GRIK1: variants seen among roughly 807,000 people sequenced by gnomAD.
GRIK1 encodes the protein glutamate receptor ionotropic, kainate 1.
A neutral mutation model predicts 105.7 loss-of-function variants in GRIK1; 69 were observed. The observed-to-expected ratio is 0.65, with a 90% CI of 0.54 to 0.80. The LOEUF is 0.80. GRIK1 is among the 30% of genes least tolerant of loss of function. The pLI, the probability that GRIK1 is intolerant of heterozygous loss-of-function variation, is 0.00. For missense variants in GRIK1, 1,109 were observed against 1,167.3 expected, an observed-to-expected ratio of 0.95 and a Z score of 0.73; for synonymous variants, 438 against 431.3, an observed-to-expected ratio of 1.02 and a Z score of -0.19.
intron 2 of GRIK1, among the ~76,000 whole-genome samples, chr21:29,692,683 C>T (rs951395027): frequency 2.6e-5 from 4 of 152,196 alleles, no homozygotes; most frequent in Non-Finnish European, 4.4e-5. Context: ...ACACTATTCT[C>T]CTGCCTCAGC....
chr21:29,863,643 C>T (rs545429783), intron 1 of GRIK1, among the ~76,000 whole-genome samples: 2 of 152,088 alleles, frequency 1.3e-5, no homozygotes, highest in Non-Finnish European at 2.9e-5. Context: ...TTTTCTTGTA[C>T]TCCTGTCATT....
chr21:29,878,896 T>A lies in GRIK1; in HGVS notation c.118+60487A>T, dbSNP rs142802622. On this transcript the variant is annotated intron_variant, in intron 1 of 17. Transcript: ENST00000327783. Reference sequence around the variant, plus strand: ...TTTTATGGTCCTTTGTCATGGGCCCTCACCAGTCACCAAATTTGCCAGCGC... The same window carrying A: ...TTTTATGGTCCTTTGTCATGGGCCCACACCAGTCACCAAATTTGCCAGCGC... Among the ~76,000 whole-genome samples the A allele has an allele frequency of 2.6e-3, 400 of 152,238 alleles. 3 individuals carry two copies. The highest frequency in any genetic ancestry group is 9.4e-3 in the African/African-American group (391 of 41,554).
intron 1 of GRIK1, among the ~76,000 whole-genome samples, chr21:29,702,053 A>G (rs2063822049): frequency 6.6e-6 from 1 of 152,208 alleles, no homozygotes. Context: ...ACAGAAAACC[A>G]AAGACCACGT....
rs28663123 is a variant in GRIK1 at position 29,606,298 on chromosome 21, T to G, written c.1099-7361A>C. ...GCTTTTTATTTTATTTTATTTTATT[T>G]TAAGTTCTGGGGTGCATGCGCAGGA... On this transcript the variant is annotated intron_variant, in intron 7 of 17. Coordinates refer to ENST00000327783, the MANE Select transcript of GRIK1 (RefSeq NM_001330994.2). 5.2e-3 allele frequency among the ~76,000 whole-genome samples: 785 copies of G among 151,420 alleles called. 8 individuals carry two copies. The highest frequency in any genetic ancestry group is 0.018 in the African/African-American group (741 of 40,776).
In GRIK1 at chr21:29,588,830, G is replaced by A; in HGVS notation, c.1569+9C>T. ...TATTTTCAGATATGTTAGAAATATTGTTACTTACGTGATCTATGAGTTCTT... is the reference window on the plus strand; with the variant it reads ...TATTTTCAGATATGTTAGAAATATTATTACTTACGTGATCTATGAGTTCTT... On this transcript the variant is annotated intron_variant, in intron 11 of 17. Coordinates refer to ENST00000327783, the MANE Select transcript of GRIK1 (RefSeq NM_001330994.2). 7.1e-7 allele frequency: 1 copy of A among 1,407,092 alleles called. No individual in the cohort carries two copies. Among genetic ancestry groups the A allele is most frequent in the South Asian group, 1.2e-5 (1 of 85,526 alleles). 87.2% of individuals were successfully genotyped at this position (1,407,092 alleles called of 1,614,324 possible).
intron 1 of GRIK1, among the ~76,000 whole-genome samples, chr21:29,929,881 G>A (rs996232873): frequency 3.9e-5 from 6 of 152,288 alleles, no homozygotes; most frequent in African/African-American, 7.2e-5. Context: ...TCATTGCCAC[G>A]TTATCCACAG....
chr21:29,696,993 G>GT (rs1182969750), intron 1 of GRIK1, among the ~76,000 whole-genome samples: 2 of 152,058 alleles, frequency 1.3e-5, no homozygotes, highest in Non-Finnish European at 2.9e-5. Flanking sequence ...AGGCAGGAGG[G>GT]TTTTTTTCCA....
intron 1 of GRIK1, among the ~76,000 whole-genome samples, chr21:29,828,173 A>T (rs894448939): frequency 1.3e-5 from 2 of 151,942 alleles, no homozygotes; most frequent in Non-Finnish European, 2.9e-5. Flanking sequence ...GGCACAGTGC[A>T]TATTCTGCTT....
chr21:29,939,220 G>T (rs753430587), intron 1 of GRIK1, among the ~76,000 whole-genome samples, 163 bp downstream of exon 1: 17 of 152,192 alleles, frequency 1.1e-4, no homozygotes, highest in Non-Finnish European at 2.2e-4. Context: ...AAGCAGTGAC[G>T]CGGCTCCCCC....
At chr21:29,900,558 T>C (rs772584269) in intron 1 of GRIK1, among the ~76,000 whole-genome samples, 89 of 151,064 alleles carry the variant, frequency 5.9e-4, no homozygotes, top group Non-Finnish European at 1.1e-3. Context: ...CATTACATAA[T>C]GGTAAAGGGA....
intron 3 of GRIK1, among the ~76,000 whole-genome samples, chr21:29,680,870 C>T (rs565807848): frequency 6.6e-6 from 1 of 152,284 alleles, no homozygotes; most frequent in African/African-American, 2.4e-5. Flanking sequence ...CGTGGTGGCT[C>T]ATGCCTGTAA....
At chr21:29,850,561 G>C (rs1313835297) in intron 1 of GRIK1, among the ~76,000 whole-genome samples, 1 of 152,146 alleles carries the variant, frequency 6.6e-6, no homozygotes, top group Admixed American at 6.5e-5. Flanking sequence ...CCCAGGAATG[G>C]ATAAGGTGGT....
intron 1 of GRIK1, among the ~76,000 whole-genome samples, chr21:29,714,849 A>G (rs1011716277): frequency 2.0e-5 from 3 of 152,210 alleles, no homozygotes; most frequent in African/African-American, 7.2e-5. Flanking sequence ...AATGGGGATG[A>G]TAACACTAAA....
intron 1 of GRIK1, among the ~76,000 whole-genome samples, chr21:29,769,193 A>T (rs1490754888): frequency 6.6e-6 from 1 of 152,206 alleles, no homozygotes; most frequent in African/African-American, 2.4e-5. Flanking sequence ...GAACCTGAGA[A>T]CATGACTTTA....
At chr21:29,693,042 A>C (rs1470025856) in intron 2 of GRIK1, among the ~76,000 whole-genome samples, 2 of 152,224 alleles carry the variant, frequency 1.3e-5, no homozygotes, top group African/African-American at 4.8e-5. Flanking sequence ...AATCAGCATA[A>C]ACATGGTGTT....
intron 7 of GRIK1, among the ~76,000 whole-genome samples, chr21:29,606,992 G>C (rs751326034): frequency 6.6e-6 from 1 of 152,130 alleles, no homozygotes; most frequent in Non-Finnish European, 1.5e-5. Context: ...GTGTCTCCTC[G>C]TTTGGGTCAT....
chr21:29,913,589 C>A (rs996190916), intron 1 of GRIK1, among the ~76,000 whole-genome samples: 1 of 150,770 alleles, frequency 6.6e-6, no homozygotes, highest in Admixed American at 6.6e-5. Context: ...ATATGAGTAT[C>A]CTTACAACAG....
At chr21:29,831,483 G>T (rs900184901) in intron 1 of GRIK1, among the ~76,000 whole-genome samples, 1 of 152,190 alleles carries the variant, frequency 6.6e-6, no homozygotes, top group African/African-American at 2.4e-5. Flanking sequence ...TTGACTCATG[G>T]TTCAACAGAA....
At chr21:29,734,093 C>T (rs1601557098) in intron 1 of GRIK1, among the ~76,000 whole-genome samples, 1 of 152,180 alleles carries the variant, frequency 6.6e-6, no homozygotes, top group South Asian at 2.1e-4. Flanking sequence ...CTCTTGTGAG[C>T]CAATACAAAC....
Sources: allele counts gnomAD v4.1 joint callset (sites outside exome capture counted in the v4.1 genomes callset), GRCh38; gene constraint gnomAD v4.1.1; transcripts MANE v1.5; gene names NCBI Gene and HGNC (gene_info 2026-07-23, HGNC 2026-07-21).